Variants in PITPNM3 observed in about 807,000 individuals in gnomAD.
PITPNM3 encodes the protein membrane-associated phosphatidylinositol transfer protein 3.
A neutral mutation model predicts 102.0 loss-of-function variants in PITPNM3; 26 were observed. That is an observed-to-expected ratio of 0.25 (90% CI 0.19 to 0.35). The LOEUF is 0.35. PITPNM3 is among the 10% of genes least tolerant of loss of function. PITPNM3 has a pLI of 1.00. For synonymous variants in PITPNM3, 578 were observed against 558.6 expected (o/e 1.03, Z -0.49); for missense variants, 1,083 against 1,346.1 (o/e 0.80, Z 3.06).
At chr17:6,541,648 G>C (rs889116333) in intron 1 of PITPNM3, among the ~76,000 whole-genome samples, 24 of 152,122 alleles carry the variant, frequency 1.6e-4, no homozygotes, top group African/African-American at 5.8e-4. Context: ...AGTCTCCTGG[G>C]GGAGGGGACC....
intron 1 of PITPNM3, among the ~76,000 whole-genome samples, chr17:6,544,995 C>A (rs566299415): frequency 2.0e-5 from 3 of 152,144 alleles, no homozygotes. Context: ...GAGGCTCCTG[C>A]GGACAGGCAG....
At chr17:6,525,583 C>G (rs1908785903) in intron 2 of PITPNM3, 120 bp from the exon 3 acceptor site, 1 of 755,844 alleles carries the variant, frequency 1.3e-6, no homozygotes, top group African/African-American at 1.7e-5. Context: ...TTGAGGTACA[C>G]CTCAACTCTT....
In PITPNM3 at chr17:6,469,061, A is replaced by G. The variant is rs2150722730; in HGVS notation, c.1774-720T>C. ...TACACTCTCTGGGTCCTCCAACCTCAGGGATGTCCTCTTCTCTCCTTCAGT... is the reference window on the plus strand; with the variant it reads ...TACACTCTCTGGGTCCTCCAACCTCGGGGATGTCCTCTTCTCTCCTTCAGT... On this transcript the variant is annotated intron_variant, in intron 13 of 19. Transcript: ENST00000262483. The surrounding 1 kb of genome is among the most constrained non-coding windows in gnomAD (Gnocchi z 4.0). Among the ~76,000 whole-genome samples, 1 of 152,170 alleles carries G rather than the reference A, an allele frequency of 6.6e-6. No homozygotes were observed. Among genetic ancestry groups the G allele is most frequent in the Non-Finnish European group, 1.5e-5 (1 of 67,994 alleles).
Position 6,478,700 on chromosome 17 carries a change from G to T in PITPNM3, c.624C>A (p.Ser208Arg). Residue 208 changes from serine (S) to arginine (R), a missense_variant, in exon 7 of 20, where the codon AGC becomes AGA. By Grantham distance (110) the Ser-to-Arg change is moderately radical. Transcript: ENST00000262483. This position sits in a 1 kb window ranked among gnomAD's most constrained non-coding sequence, Gnocchi z 4.4. ...CCAGAGGGACGTGGTCCTGGCTGCTGCTGAGGCAGCCCTCATCGTGGCTGT... is the reference window on the plus strand; with the variant it reads ...CCAGAGGGACGTGGTCCTGGCTGCTTCTGAGGCAGCCCTCATCGTGGCTGT... Reference protein sequence around the residue: ...NPYSHDEGCLSSSQDHVPLAA... With the variant: ...NPYSHDEGCLRSSQDHVPLAA... 6.2e-7 allele frequency: 1 copy of T among 1,600,546 alleles called. No homozygotes were observed. Among genetic ancestry groups the T allele is most frequent in the Non-Finnish European group, 8.5e-7 (1 of 1,173,680 alleles).
chr17:6,481,002 C>T (rs1905634989), intron 6 of PITPNM3: 1 of 152,308 alleles, frequency 6.6e-6, no homozygotes, highest in Admixed American at 6.5e-5. Context: ...CAGCGCTCAA[C>T]CAGCCCTTCT....
Position 6,469,012 on chromosome 17 carries a change from C to T in PITPNM3, c.1774-671G>A, listed in dbSNP as rs9906693. 0.35 allele frequency among the ~76,000 whole-genome samples: 53,124 copies of T among 151,734 alleles called. 10,788 individuals are homozygous for T. Among genetic ancestry groups the T allele is most frequent in the Middle Eastern group, 0.56 (164 of 292 alleles). On this transcript the variant is annotated intron_variant, in intron 13 of 19. Transcript: ENST00000262483. The surrounding 1 kb of genome is among the most constrained non-coding windows in gnomAD (Gnocchi z 4.0). ...GCCACTGCCCCGGTGACTCCCACCC[C>T]GCCTATCTCAGGGGTCCTCTCCCTA... is the stretch of plus-strand genomic sequence containing the variant.
At chr17:6,501,173 G>A (rs1002104218) in intron 4 of PITPNM3, among the ~76,000 whole-genome samples, 6 of 152,258 alleles carry the variant, frequency 3.9e-5, no homozygotes, top group South Asian at 2.1e-4. Context: ...TTTTTGCTTC[G>A]GGGCTGCCGC....
intron 4 of PITPNM3, among the ~76,000 whole-genome samples, chr17:6,489,925 A>G (rs1378100894): frequency 1.3e-5 from 2 of 151,138 alleles, no homozygotes; most frequent in Admixed American, 6.6e-5. Context: ...AATCGCTTGA[A>G]CCCGGCAGGC....
At position 6,502,291 on chromosome 17, in the gene PITPNM3, A is replaced by T. The variant is rs575139431; in HGVS notation, c.274+1236T>A. On this transcript the variant is annotated intron_variant, in intron 4 of 19. Coordinates refer to ENST00000262483, the MANE Select transcript of PITPNM3 (RefSeq NM_031220.4). ...AACATGGCAAAACCCCATCTCTACCAAAAACACAAAAATTACCCGGGCATG... is the reference window on the plus strand; with the variant it reads ...AACATGGCAAAACCCCATCTCTACCTAAAACACAAAAATTACCCGGGCATG... Among the ~76,000 whole-genome samples the T allele has an allele frequency of 7.2e-5, 11 of 152,308 alleles. No individual in the cohort carries two copies. The East Asian group carries it at 2.1e-3, about 29-fold the overall frequency.
At chr17:6,477,664 G>A (rs1415301203) in intron 8 of PITPNM3, among the ~76,000 whole-genome samples, 3 of 152,128 alleles carry the variant, frequency 2.0e-5, no homozygotes, top group Non-Finnish European at 1.5e-5. Flanking sequence ...TCGTGCCTCA[G>A]CCTCCCAAGT....
In PITPNM3 at chr17:6,464,763, C is replaced by T. The variant is rs370756871; in HGVS notation, c.1899G>A (p.Thr633=). Reference sequence around the variant, plus strand: ...TCACATCATTGGCCCGGTGATTAGCCGTGACATTCTGGAAGGACAGAAAGA... The same window carrying T: ...TCACATCATTGGCCCGGTGATTAGCTGTGACATTCTGGAAGGACAGAAAGA... The part of the protein sequence containing the change: ...KRTQVKLRNV[T]ANHRANDVIA... The change falls in exon 15 of 20, where the codon ACG becomes ACA. Residue 633 remains threonine, a synonymous_variant. Coordinates refer to ENST00000262483, the MANE Select transcript of PITPNM3 (RefSeq NM_031220.4). The T allele has an allele frequency of 1.8e-5, 29 of 1,614,046 alleles. No individual in the cohort carries two copies. The highest frequency in any genetic ancestry group is 5.5e-5 in the South Asian group (5 of 91,088).
chr17:6,459,477 C>T lies in PITPNM3; in HGVS notation c.2491-1755G>A, dbSNP rs1597359139. 6.6e-6 allele frequency among the ~76,000 whole-genome samples: 1 copy of T among 152,072 alleles called. No individual in the cohort carries two copies. The highest frequency in any genetic ancestry group is 1.9e-4 in the East Asian group (1 of 5,180). On this transcript the variant is annotated intron_variant, in intron 18 of 19. Coordinates refer to ENST00000262483, the MANE Select transcript of PITPNM3 (RefSeq NM_031220.4). The surrounding 1 kb of genome is among the most constrained non-coding windows in gnomAD (Gnocchi z 5.0). ...TCTCCCGTCTCATGGCTCCACTGAT[C>T]CGTCTCATGCATCTGTTTCCCAGTC...
At chr17:6,461,223 G>A (rs757465510) in intron 18 of PITPNM3, 150 bp downstream of exon 18, 2 of 947,434 alleles carry the variant, frequency 2.1e-6, no homozygotes, top group African/African-American at 1.6e-5. Flanking sequence ...TACCTCACAG[G>A]GCTGCTAGAG....
intron 2 of PITPNM3, among the ~76,000 whole-genome samples, chr17:6,525,717 C>G (rs1908795671): frequency 6.6e-6 from 1 of 152,166 alleles, no homozygotes; most frequent in African/African-American, 2.4e-5. Flanking sequence ...GCCTGAAACC[C>G]CATAGAAAGT....
At chr17:6,531,765 C>T (rs75433786) in intron 2 of PITPNM3, among the ~76,000 whole-genome samples, 5,868 of 152,306 alleles carry the variant, frequency 0.039, 158 homozygotes, top group Non-Finnish European at 0.061. Context: ...TGAGCCAGTG[C>T]CTCCCTGGCT....
intron 3 of PITPNM3, among the ~76,000 whole-genome samples, chr17:6,515,397 CAAA>C (rs61420968): frequency 2.6e-4 from 21 of 82,194 alleles, no homozygotes; most frequent in African/African-American, 5.7e-4. Context: ...GACTCCATCT[CAAA>C]AAAAAAAAAA....
intron 3 of PITPNM3, among the ~76,000 whole-genome samples, chr17:6,520,767 T>C (rs895189550): frequency 6.6e-6 from 1 of 152,172 alleles, no homozygotes; most frequent in African/African-American, 2.4e-5. Flanking sequence ...ATAAACAAAA[T>C]GTGGTATATC....
At chr17:6,542,612 C>A (rs909802466) in intron 1 of PITPNM3, among the ~76,000 whole-genome samples, 1 of 152,208 alleles carries the variant, frequency 6.6e-6, no homozygotes, top group African/African-American at 2.4e-5. Flanking sequence ...CTTTTCTCAT[C>A]CGGAAAATGA....
intron 2 of PITPNM3, among the ~76,000 whole-genome samples, chr17:6,533,691 G>A (rs1027267598): frequency 6.6e-6 from 1 of 151,962 alleles, no homozygotes; most frequent in Non-Finnish European, 1.5e-5. Context: ...TCCTGAACTC[G>A]TGATCCGCCT....
Sources: allele counts gnomAD v4.1 joint callset (sites outside exome capture counted in the v4.1 genomes callset), GRCh38; gene constraint gnomAD v4.1.1; non-coding constraint Gnocchi (gnomAD v3.1); transcripts MANE v1.5; gene names NCBI Gene and HGNC (gene_info 2026-07-23, HGNC 2026-07-21).